Variants in GRAMD4 observed in about 807,000 individuals in gnomAD.
GRAMD4 encodes GRAM domain-containing protein 4.
In GRAMD4, 25 loss-of-function variants were observed where a neutral mutation model predicts 83.9. The observed-to-expected ratio is 0.30, with a 90% CI of 0.22 to 0.42. The LOEUF (loss-of-function observed/expected upper bound fraction) is 0.42. Among genes scored for constraint, GRAMD4 ranks in the 10% least tolerant of loss-of-function variants. The pLI, the probability that GRAMD4 is intolerant of heterozygous loss-of-function variation, is 1.00. For synonymous variants in GRAMD4, 336 were observed against 320.9 expected (o/e 1.05, Z -0.50); for missense variants, 593 against 788.7 (o/e 0.75, Z 2.97).
In GRAMD4 at chr22:46,672,925, C is replaced by G. The variant is rs141113580; in HGVS notation, c.1167C>G (p.Pro389=). 2.5e-3 allele frequency: 4,031 copies of G among 1,611,810 alleles called. 11 individuals carry two copies. Among genetic ancestry groups the G allele is most frequent in the Non-Finnish European group, 3.1e-3 (3,690 of 1,179,506 alleles). ...GGCTGCGCGCCAAGTACGACACGCC[C>G]TATATCATCTGGAGGAGTCTCCCCA... ...CPRLRAKYDT[P]YIIWRSLPTD... Residue 389 remains proline, a synonymous_variant, in exon 14 of 19, where the codon CCC becomes CCG. Coordinates refer to ENST00000406902, the MANE Select transcript of GRAMD4 (RefSeq NM_015124.5). This position sits in a 1 kb window ranked among gnomAD's most constrained non-coding sequence, Gnocchi z 4.7.
chr22:46,635,728 G>GA (rs199517388), intron 2 of GRAMD4, among the ~76,000 whole-genome samples: 2 of 122,110 alleles, frequency 1.6e-5, no homozygotes, highest in Non-Finnish European at 3.4e-5. Flanking sequence ...CCTGTCCTGG[G>GA]GGCCCGTGTC....
At chr22:46,625,804 G>T (rs2081649086) in intron 1 of GRAMD4, among the ~76,000 whole-genome samples, 1 of 152,260 alleles carries the variant, frequency 6.6e-6, no homozygotes. Flanking sequence ...GGGTGCCTTG[G>T]TGTTGCTGGC....
upstream of GRAMD4, among the ~76,000 whole-genome samples, chr22:46,615,403 T>C (rs1392680269): frequency 3.0e-5 from 2 of 66,120 alleles, no homozygotes; most frequent in Non-Finnish European, 2.9e-5. Flanking sequence ...GTGTAGGCTC[T>C]CCTGTGCTTG....
Position 46,677,745 on chromosome 22 carries a change from C to G in GRAMD4, c.*494C>G, listed in dbSNP as rs1601695749. 1 of 985,970 alleles carries G rather than the reference C, an allele frequency of 1.0e-6. No homozygotes were observed. Among genetic ancestry groups the G allele is most frequent in the Non-Finnish European group, 1.2e-6 (1 of 830,282 alleles). The allele number at this position is 985,970 out of a possible 1,614,324, so 61.1% of individuals were successfully genotyped here. Reference sequence around the variant, plus strand: ...AAGGAGGGACATGGGGGCCTTTCACCAACCACCGAGAAACGGGCCTGGCGG... The same window carrying G: ...AAGGAGGGACATGGGGGCCTTTCACGAACCACCGAGAAACGGGCCTGGCGG... On this transcript the variant is annotated 3_prime_UTR_variant, in exon 19 of 19. Coordinates refer to ENST00000406902, the MANE Select transcript of GRAMD4 (RefSeq NM_015124.5).
At chr22:46,657,681 G>T (rs1002470751) in intron 3 of GRAMD4, among the ~76,000 whole-genome samples, 1 of 152,178 alleles carries the variant, frequency 6.6e-6, no homozygotes, top group Non-Finnish European at 1.5e-5. Context: ...AGCCTGCCCC[G>T]TGCTCTTCTC....
intron 5 of GRAMD4, among the ~76,000 whole-genome samples, chr22:46,662,477 G>A (rs540116542): frequency 7.9e-4 from 121 of 152,348 alleles, no homozygotes; most frequent in African/African-American, 2.9e-3. Context: ...AGAGGTGTTC[G>A]CTTTTGGTAA....
At chr22:46,675,167 G>A (rs1052719087) in intron 16 of GRAMD4, among the ~76,000 whole-genome samples, 1 of 151,100 alleles carries the variant, frequency 6.6e-6, no homozygotes, top group Non-Finnish European at 1.5e-5. Flanking sequence ...AGCAGTGGCC[G>A]TGAGTGTCTC....
chr22:46,592,973 T>G (rs552913415), intron 1 of GRAMD4, among the ~76,000 whole-genome samples: 1 of 152,316 alleles, frequency 6.6e-6, no homozygotes, highest in African/African-American at 2.4e-5. Flanking sequence ...ACATTGTGAT[T>G]ATTTTTGTTC....
At position 46,662,744 on chromosome 22, in the gene GRAMD4, G is replaced by A. The variant is rs148378048; in HGVS notation, c.467-296G>A. Among the ~76,000 whole-genome samples the A allele has an allele frequency of 5.1e-3, 781 of 152,314 alleles. 3 individuals carry two copies. The highest frequency in any genetic ancestry group is 0.017 in the African/African-American group (727 of 41,574). ...GCCCGCTGACGAGAGCCCAGGGCGG[G>A]CAGAGAGCTGGGGACAGGGATGAAA... On this transcript the variant is annotated intron_variant, in intron 5 of 18. Transcript: ENST00000406902.
At chr22:46,669,878 C>T (rs1320710532) in intron 13 of GRAMD4, among the ~76,000 whole-genome samples, 1 of 152,204 alleles carries the variant, frequency 6.6e-6, no homozygotes, top group Non-Finnish European at 1.5e-5. Context: ...TGCGACTGGT[C>T]TCTTCTGTTT....
intron 2 of GRAMD4, among the ~76,000 whole-genome samples, chr22:46,637,067 C>A (rs2081900505): frequency 6.6e-6 from 1 of 152,152 alleles, no homozygotes; most frequent in Non-Finnish European, 1.5e-5. Context: ...GCCCGGGGGC[C>A]AGTCTCTCCG....
At position 46,650,349 on chromosome 22, in the gene GRAMD4, G is replaced by A. The variant is rs560888590; in HGVS notation, c.284-7838G>A. On this transcript the variant is annotated intron_variant, in intron 3 of 18. Coordinates refer to ENST00000406902, the MANE Select transcript of GRAMD4 (RefSeq NM_015124.5). ...GGAGGGCTGCGTGTCGAGGCTGGGT[G>A]GAGGGCTGCGTGTCGAGGCTGGGTG... Among the ~76,000 whole-genome samples, 13 of 150,006 alleles carry A rather than the reference G, an allele frequency of 8.7e-5. No homozygotes were observed. In the South Asian group the frequency reaches 2.5e-3, roughly 29 times the overall value.
At chr22:46,665,278 C>T (rs760252983) in intron 8 of GRAMD4, among the ~76,000 whole-genome samples, 7 of 152,250 alleles carry the variant, frequency 4.6e-5, no homozygotes, top group Non-Finnish European at 1.0e-4. Flanking sequence ...TTGCCTGCCT[C>T]GCCCAGCCAG....
chr22:46,628,631 G>A (rs892311478), intron 2 of GRAMD4, among the ~76,000 whole-genome samples: 1 of 150,256 alleles, frequency 6.7e-6, no homozygotes, highest in African/African-American at 2.5e-5. Context: ...GAGTGTGTGC[G>A]TTGGTGTCTG....
At position 46,596,596 on chromosome 22, in the gene GRAMD4, G is replaced by C. The variant is rs375969666; in HGVS notation, c.-50+19306G>C. Among the ~76,000 whole-genome samples the C allele has an allele frequency of 2.0e-5, 3 of 152,172 alleles. No individual in the cohort carries two copies. In the East Asian group the frequency reaches 5.8e-4, roughly 29 times the overall value. Reference sequence around the variant, plus strand: ...TGTGCTCTGTTGCCCAGGCTGGAGTGCAGTGGCACGATCTCACAATCTCAG... The same window carrying C: ...TGTGCTCTGTTGCCCAGGCTGGAGTCCAGTGGCACGATCTCACAATCTCAG... On this transcript the variant is annotated intron_variant, in intron 1 of 1. Transcript: ENST00000431155.
chr22:46,652,330 A>G (rs111448583), intron 3 of GRAMD4, among the ~76,000 whole-genome samples: 47 of 152,278 alleles, frequency 3.1e-4, no homozygotes, highest in African/African-American at 1.1e-3. Context: ...CAGGAGCCTC[A>G]GGAAGCTGGA....
chr22:46,598,634 G>A (rs941718980), intron 1 of GRAMD4, among the ~76,000 whole-genome samples: 1 of 151,968 alleles, frequency 6.6e-6, no homozygotes, highest in Non-Finnish European at 1.5e-5. Flanking sequence ...GGTATATGGG[G>A]GTCTGCTTGG....
At chr22:46,680,932 AC>A (rs1288306811), downstream of GRAMD4, among the ~76,000 whole-genome samples, 1 of 98,446 alleles carries the variant, frequency 1.0e-5, no homozygotes, top group East Asian at 3.5e-4. Context: ...CCACCCATTT[AC>A]CCACCCACCC....
intron 2 of GRAMD4, among the ~76,000 whole-genome samples, chr22:46,630,740 G>T (rs2081758223): frequency 1.3e-5 from 2 of 152,354 alleles, no homozygotes; most frequent in Admixed American, 1.3e-4. Flanking sequence ...AGGTGCTTGT[G>T]GCTCTTAGCG....
Sources: gnomAD v4.1 joint callset for allele counts (sites outside exome capture counted in the v4.1 genomes callset) on GRCh38, gnomAD v4.1.1 for gene constraint, Gnocchi (gnomAD v3.1) non-coding constraint, MANE v1.5 for transcripts, NCBI Gene and HGNC (gene_info 2026-07-23, HGNC 2026-07-21) for gene names.